Variants in HIBCH observed in about 807,000 individuals in gnomAD.
HIBCH encodes 3-hydroxyisobutyryl-CoA hydrolase, mitochondrial.
In HIBCH, 50 loss-of-function variants were observed where a neutral mutation model predicts 58.2. The ratio of observed to expected loss-of-function variants is 0.86; its 90% CI spans 0.68 to 1.09. The LOEUF is 1.09. Among genes scored for constraint, HIBCH ranks in the 50% least tolerant of loss-of-function variants. HIBCH has a pLI of 0.00. For missense variants in HIBCH, 450 were observed against 449.7 expected (o/e 1.00, Z -0.01); for synonymous variants, 151 against 146.9 (o/e 1.03, Z -0.20).
At chr2:190,267,350 G>A (rs1339738444) in intron 6 of HIBCH, among the ~76,000 whole-genome samples, 3 of 151,926 alleles carry the variant, frequency 2.0e-5, no homozygotes, top group African/African-American at 2.4e-5. Context: ...GATTACAGGC[G>A]CATGCCCTGC....
At chr2:190,241,285 G>A (rs1686447604) in intron 11 of HIBCH, among the ~76,000 whole-genome samples, 4 of 152,132 alleles carry the variant, frequency 2.6e-5, no homozygotes, top group Admixed American at 2.6e-4. Context: ...AACTAGGATT[G>A]CAACCCCTGC....
chr2:190,271,414 C>T (rs1402105457), intron 6 of HIBCH, among the ~76,000 whole-genome samples: 1 of 151,568 alleles, frequency 6.6e-6, no homozygotes, highest in Non-Finnish European at 1.5e-5. Context: ...ATCAGCCTCC[C>T]AGGTAGCTGG....
intron 1 of HIBCH, among the ~76,000 whole-genome samples, chr2:190,312,283 G>A (rs780228273): frequency 1.1e-4 from 16 of 152,238 alleles, no homozygotes; most frequent in Non-Finnish European, 1.8e-4. Context: ...TCTTGCACTC[G>A]AGAAACCCAC....
At chr2:190,263,715 CCT>C (rs548038961) in intron 6 of HIBCH, among the ~76,000 whole-genome samples, 11 of 152,146 alleles carry the variant, frequency 7.2e-5, no homozygotes, top group Non-Finnish European at 1.5e-4. Context: ...TAAGTGTGCT[CCT>C]CTCTCTGTCT....
intron 1 of HIBCH, among the ~76,000 whole-genome samples, chr2:190,312,622 C>G (rs1203320245): frequency 6.6e-6 from 1 of 152,186 alleles, no homozygotes; most frequent in African/African-American, 2.4e-5. Context: ...ATCCAACTTG[C>G]CTTTCAGAAT....
chr2:190,227,111 A>T (rs1163022357), intron 11 of HIBCH, among the ~76,000 whole-genome samples: 1 of 152,068 alleles, frequency 6.6e-6, no homozygotes, highest in African/African-American at 2.4e-5. Flanking sequence ...AAAAGAGCCC[A>T]CATTGCCAAG....
intron 11 of HIBCH, among the ~76,000 whole-genome samples, chr2:190,222,779 C>T (rs1325011761): frequency 6.6e-6 from 1 of 152,080 alleles, no homozygotes; most frequent in Non-Finnish European, 1.5e-5. Context: ...GGGTATATAC[C>T]CAAAGGATTA....
At position 190,279,316 on chromosome 2, in the gene HIBCH, G is replaced by C. The variant is rs1265891427; in HGVS notation, c.438+8270C>G. ...AAGTTTCAACATGAGTTTCGGTGGG[G>C]ACAAATATTCAAACCGTAGCATTCC... On this transcript the variant is annotated intron_variant, in intron 6 of 13. Coordinates refer to ENST00000359678, the MANE Select transcript of HIBCH (RefSeq NM_014362.4). This position sits in a 1 kb window ranked among gnomAD's most constrained non-coding sequence, Gnocchi z 4.2. 3.3e-5 allele frequency among the ~76,000 whole-genome samples: 5 copies of C among 152,058 alleles called. No homozygotes were observed. Among genetic ancestry groups the C allele is most frequent in the Non-Finnish European group, 5.9e-5 (4 of 68,002 alleles).
At chr2:190,266,556 C>G (rs1687242584) in intron 6 of HIBCH, among the ~76,000 whole-genome samples, 1 of 151,992 alleles carries the variant, frequency 6.6e-6, no homozygotes, top group Admixed American at 6.6e-5. Flanking sequence ...GCCTCGGCCT[C>G]CGGAGTAGCT....
At chr2:190,252,421 A>G in intron 7 of HIBCH, 114 bp from the exon 8 acceptor site, 1 of 869,980 alleles carries the variant, frequency 1.1e-6, no homozygotes, top group Admixed American at 2.0e-5. Flanking sequence ...AATATACATT[A>G]CAAACATTAT....
chr2:190,245,696 GAAAA>G (rs77047754), intron 10 of HIBCH, among the ~76,000 whole-genome samples: 1 of 150,668 alleles, frequency 6.6e-6, no homozygotes, highest in Non-Finnish European at 1.5e-5. Context: ...AAAGGTAAGT[GAAAA>G]AAAAACCCTA....
chr2:190,296,555 A>T (rs1688107923), intron 3 of HIBCH, among the ~76,000 whole-genome samples: 1 of 152,242 alleles, frequency 6.6e-6, no homozygotes, highest in Non-Finnish European at 1.5e-5. Flanking sequence ...AGAGTGACAG[A>T]ACACAAAAAG....
At chr2:190,195,598 C>G (rs867787539) in intron 1 of HIBCH, among the ~76,000 whole-genome samples, 1 of 152,190 alleles carries the variant, frequency 6.6e-6, no homozygotes, top group Non-Finnish European at 1.5e-5. Flanking sequence ...GCCCATTTTT[C>G]AATTAGCTTG....
At chr2:190,268,833 T>G (rs1319794714) in intron 6 of HIBCH, among the ~76,000 whole-genome samples, 1 of 152,074 alleles carries the variant, frequency 6.6e-6, no homozygotes, top group Non-Finnish European at 1.5e-5. Flanking sequence ...CTGATAATTA[T>G]AAAGATATTT....
chr2:190,266,119 T>C (rs1687227966), intron 6 of HIBCH, among the ~76,000 whole-genome samples: 1 of 152,234 alleles, frequency 6.6e-6, no homozygotes, highest in Non-Finnish European at 1.5e-5. Context: ...TGGGGACAGA[T>C]AATGTATTCT....
At chr2:190,290,066 A>G (rs1022154935) in intron 5 of HIBCH, among the ~76,000 whole-genome samples, 23 of 152,064 alleles carry the variant, frequency 1.5e-4, no homozygotes, top group Middle Eastern at 3.2e-3. Context: ...TTTAGTAGAG[A>G]CGGGGTTTCA....
chr2:190,283,332 T>C (rs913607176), intron 6 of HIBCH, among the ~76,000 whole-genome samples: 4 of 152,166 alleles, frequency 2.6e-5, no homozygotes, highest in African/African-American at 9.6e-5. Flanking sequence ...CATCACTCTC[T>C]TTAAAGTAGC....
chr2:190,223,986 G>A (rs574388072), intron 11 of HIBCH, among the ~76,000 whole-genome samples: 550 of 152,302 alleles, frequency 3.6e-3, no homozygotes, highest in African/African-American at 0.012. Context: ...AAAAGGGGTC[G>A]GGGAATTCCC....
intron 1 of HIBCH, among the ~76,000 whole-genome samples, chr2:190,198,840 T>C (rs1559002757): frequency 6.6e-6 from 1 of 152,134 alleles, no homozygotes; most frequent in African/African-American, 2.4e-5. Context: ...GAGGAGTTCA[T>C]TCTGTGATAA....
Sources: allele counts gnomAD v4.1 joint callset (sites outside exome capture counted in the v4.1 genomes callset), GRCh38; gene constraint gnomAD v4.1.1; non-coding constraint Gnocchi (gnomAD v3.1); transcripts MANE v1.5; gene names NCBI Gene and HGNC (gene_info 2026-07-23, HGNC 2026-07-21).